Variants in TF observed in about 807,000 individuals in gnomAD.
TF encodes the protein transferrin, also known as serotransferrin.
A neutral mutation model predicts 82.4 loss-of-function variants in TF; 55 were observed. The observed-to-expected ratio is 0.67, with a 90% confidence interval of 0.54 to 0.84. The LOEUF is 0.84. Among genes scored for constraint, TF ranks in the 40% least tolerant of loss-of-function variants. The probability of loss-of-function intolerance (pLI) is 0.00; values close to 1 mark genes in which losing one functional copy is unlikely to be tolerated. For synonymous variants in TF, 332 were observed against 332.6 expected, an observed-to-expected ratio of 1.00 and a Z score of 0.02; for missense variants, 737 against 868.4, an observed-to-expected ratio of 0.85 and a Z score of 1.90.
chr3:133,771,676 G>A (rs1277443594), intron 14 of TF, among the ~76,000 whole-genome samples: 4 of 141,054 alleles, frequency 2.8e-5, no homozygotes, highest in African/African-American at 1.1e-4. Flanking sequence ...AGCGGAGCTT[G>A]CAGTGAGCCG....
At chr3:133,711,049 A>G in the TF span, among the ~76,000 whole-genome samples, 2 of 152,182 alleles carry the variant, frequency 1.3e-5, no homozygotes, top group African/African-American at 4.8e-5. Context: ...GCCCTAAAAT[A>G]ATATCTCCTG....
At chr3:133,768,727 T>C (rs1160728802) in intron 13 of TF, among the ~76,000 whole-genome samples, 1 of 151,616 alleles carries the variant, frequency 6.6e-6, no homozygotes, top group Non-Finnish European at 1.5e-5. Flanking sequence ...CTAACTACAA[T>C]TGTACTTTAT....
At chr3:133,665,754 G>A in the TF span, among the ~76,000 whole-genome samples, 1 of 151,776 alleles carries the variant, frequency 6.6e-6, no homozygotes, top group African/African-American at 2.4e-5. Context: ...AGACCAGCCT[G>A]ACCAACATGA....
At chr3:133,733,395 G>A in the TF span, among the ~76,000 whole-genome samples, 2 of 152,238 alleles carry the variant, frequency 1.3e-5, no homozygotes, top group South Asian at 2.1e-4. Flanking sequence ...CAAGCCTGCC[G>A]AGGTGTCCTG....
In TF at chr3:133,759,335, T is replaced by C. The variant is rs766469901; in HGVS notation, c.1203+6T>C. 6.2e-7 allele frequency: 1 copy of C among 1,613,382 alleles called. No individual in the cohort carries two copies. The highest frequency in any genetic ancestry group is 8.5e-7 in the Non-Finnish European group (1 of 1,179,998). ...ACTGCATCGCCAAGATCATGGTATG[T>C]CACTCCAGCCTTCCTAGGGCAGCGT... On this transcript the variant is annotated splice_donor_region_variant and intron_variant, in intron 9 of 16. Coordinates refer to ENST00000402696, the MANE Select transcript of TF (RefSeq NM_001063.4).
the TF span, among the ~76,000 whole-genome samples, chr3:133,732,281 T>C: frequency 6.6e-6 from 1 of 152,190 alleles, no homozygotes; most frequent in African/African-American, 2.4e-5. Flanking sequence ...AGAACTTTTC[T>C]GTCTAGCTAA....
At chr3:133,776,744 A>C (rs1476786046) in intron 15 of TF, among the ~76,000 whole-genome samples, 1 of 151,972 alleles carries the variant, frequency 6.6e-6, no homozygotes, top group Non-Finnish European at 1.5e-5. Context: ...AGCAGCCCCC[A>C]GTGAAGGGCA....
chr3:133,744,598 A>G (rs1304523399), upstream of TF, among the ~76,000 whole-genome samples: 2 of 152,200 alleles, frequency 1.3e-5, no homozygotes, highest in East Asian at 3.9e-4. Context: ...CCTATGGCTC[A>G]AGCACAAGGG....
In TF at chr3:133,766,338, A is replaced by T. The variant is rs753390506; in HGVS notation, c.1391A>T (p.Lys464Ile). The change falls in exon 12 of 17, where the codon AAA becomes ATA. Residue 464 changes from lysine to isoleucine, a missense_variant. Physicochemically the swap from Lys to Ile is moderately radical, Grantham distance 102. Transcript: ENST00000402696. ...SASDLTWDNLKGKKSCHTAVG... is the reference protein window; with the variant it reads ...SASDLTWDNLIGKKSCHTAVG... Reference sequence around the variant, plus strand: ...TCTGACCTCACCTGGGACAATCTGAAAGGCAAGAAGTCCTGCCATACGGCA... The same window carrying T: ...TCTGACCTCACCTGGGACAATCTGATAGGCAAGAAGTCCTGCCATACGGCA... The T allele has an allele frequency of 6.2e-6, 10 of 1,614,100 alleles. No homozygotes were observed. Among genetic ancestry groups the T allele is most frequent in the Non-Finnish European group, 8.5e-6 (10 of 1,180,030 alleles).
At chr3:133,708,871 G>T in the TF span, among the ~76,000 whole-genome samples, 1 of 151,680 alleles carries the variant, frequency 6.6e-6, no homozygotes, top group African/African-American at 2.4e-5. Flanking sequence ...ATCACTGAGG[G>T]GTCAGTAAAG....
At chr3:133,682,957 G>T in the TF span, among the ~76,000 whole-genome samples, 42 of 152,348 alleles carry the variant, frequency 2.8e-4, no homozygotes, top group African/African-American at 1.0e-3. Context: ...CAGAGAGAAA[G>T]GTTGGGTTAC....
chr3:133,764,286 G>A lies in TF; in HGVS notation c.1297+11G>A. ...CAGAAAACTACAATAGTAAGTGGTG[G>A]GGAGCACCTCTCTGTGTTTTCTTCC... On this transcript the variant is annotated intron_variant, in intron 10 of 16. Coordinates refer to ENST00000402696, the MANE Select transcript of TF (RefSeq NM_001063.4). 1 of 1,606,428 alleles carries A rather than the reference G, an allele frequency of 6.2e-7. No individual in the cohort carries two copies. Among genetic ancestry groups the A allele is most frequent in the Non-Finnish European group, 8.5e-7 (1 of 1,173,082 alleles).
chr3:133,686,449 T>C, the TF span, among the ~76,000 whole-genome samples: 2 of 152,154 alleles, frequency 1.3e-5, no homozygotes, highest in Admixed American at 6.5e-5. Flanking sequence ...AATCTACCCA[T>C]CTGACAAAGG....
chr3:133,694,788 T>G, the TF span, among the ~76,000 whole-genome samples: 1 of 152,220 alleles, frequency 6.6e-6, no homozygotes, highest in African/African-American at 2.4e-5. Context: ...ATAAGAGAAA[T>G]AGCTACTACT....
At chr3:133,694,642 A>T in the TF span, among the ~76,000 whole-genome samples, 1 of 152,216 alleles carries the variant, frequency 6.6e-6, no homozygotes, top group African/African-American at 2.4e-5. Context: ...ATCTACAGAC[A>T]CAGGTCTGGG....
intron 5 of TF, 92 bp downstream of exon 5, chr3:133,755,587 G>C (rs746812694): frequency 1.3e-6 from 2 of 1,569,310 alleles, no homozygotes; most frequent in Non-Finnish European, 1.7e-6. Context: ...AGCCCTGCCT[G>C]CCTACAGGGG....
At chr3:133,730,769 A>G in the TF span, among the ~76,000 whole-genome samples, 1 of 152,232 alleles carries the variant, frequency 6.6e-6, no homozygotes, top group Admixed American at 6.5e-5. Flanking sequence ...ACACATGTTT[A>G]CATACAATTT....
At chr3:133,676,791 A>G in the TF span, among the ~76,000 whole-genome samples, 1 of 152,206 alleles carries the variant, frequency 6.6e-6, no homozygotes, top group South Asian at 2.1e-4. Context: ...GGCTTCTGCT[A>G]TTCTTCCTCT....
chr3:133,775,165 C>T, intron 14 of TF: 1 of 530,566 alleles, frequency 1.9e-6, no homozygotes. Context: ...TTTTGAACAG[C>T]ATCTGCAGAA....
Sources: allele counts gnomAD v4.1 joint callset (sites outside exome capture counted in the v4.1 genomes callset), GRCh38; gene constraint gnomAD v4.1.1; transcripts MANE v1.5; gene names NCBI Gene and HGNC (gene_info 2026-07-23, HGNC 2026-07-21).